LHFPL6: variants seen among roughly 807,000 people sequenced by gnomAD.
LHFPL6 encodes the protein LHFPL tetraspan subfamily member 6.
LHFPL6 carries 9 observed loss-of-function variants against 20.6 expected under a neutral mutation model. The ratio of observed to expected loss-of-function variants is 0.44; its 90% CI spans 0.26 to 0.76. The LOEUF (loss-of-function observed/expected upper bound fraction) is 0.76. Among genes scored for constraint, LHFPL6 ranks in the 30% least tolerant of loss-of-function variants. The probability of loss-of-function intolerance (pLI) is 0.20; values close to 1 mark genes in which losing one functional copy is unlikely to be tolerated. For missense variants in LHFPL6, 218 were observed against 253.5 expected (o/e 0.86, Z 0.95); for synonymous variants, 105 against 98.7 (o/e 1.06, Z -0.38).
intron 2 of LHFPL6, among the ~76,000 whole-genome samples, chr13:39,493,882 A>C (rs1490476946): frequency 2.0e-5 from 3 of 152,212 alleles, no homozygotes; most frequent in Non-Finnish European, 4.4e-5. Context: ...CTCTATTTTT[A>C]TATAGAAAAG....
At chr13:39,484,352 T>C (rs922792074) in intron 2 of LHFPL6, among the ~76,000 whole-genome samples, 1 of 152,184 alleles carries the variant, frequency 6.6e-6, no homozygotes, top group African/African-American at 2.4e-5. Context: ...GCCTCAACTT[T>C]GGAGTCATGC....
At chr13:39,413,208 C>G (rs116049188) in intron 2 of LHFPL6, among the ~76,000 whole-genome samples, 378 of 152,080 alleles carry the variant, frequency 2.5e-3, no homozygotes, top group African/African-American at 8.5e-3. Flanking sequence ...GAATATTTAA[C>G]GAAGGAAAAA....
intron 2 of LHFPL6, among the ~76,000 whole-genome samples, chr13:39,464,263 G>T (rs1872749435): frequency 6.6e-6 from 1 of 152,084 alleles, no homozygotes; most frequent in African/African-American, 2.4e-5. Context: ...GTGATATTTG[G>T]GGGCCAATTA....
intron 2 of LHFPL6, among the ~76,000 whole-genome samples, chr13:39,515,536 T>C (rs571618924): frequency 6.6e-6 from 1 of 152,364 alleles, no homozygotes; most frequent in African/African-American, 2.4e-5. Flanking sequence ...CCTGGGGATT[T>C]CTCTTCGGCT....
rs570019720 is a variant in LHFPL6, at chr13:39,399,774, C to G, written c.386-21248G>C. ...GAAGGGGATCCAAGATCAGAAAACT[C>G]TGACTGCCAGGGTTAAATAAGAAAA... On this transcript the variant is annotated intron_variant, in intron 2 of 3. Transcript: ENST00000379589. Among the ~76,000 whole-genome samples the G allele has an allele frequency of 2.6e-4, 39 of 152,324 alleles. No homozygotes were observed. The South Asian group carries it at 6.4e-3, about 25-fold the overall frequency.
chr13:39,408,209 T>C (rs1172480953), intron 2 of LHFPL6, among the ~76,000 whole-genome samples: 1 of 152,208 alleles, frequency 6.6e-6, no homozygotes, highest in Non-Finnish European at 1.5e-5. Flanking sequence ...TTAATGTAAA[T>C]TTATTAATAA....
intron 2 of LHFPL6, among the ~76,000 whole-genome samples, chr13:39,556,281 G>C (rs1028608485): frequency 6.6e-6 from 1 of 152,232 alleles, no homozygotes; most frequent in Non-Finnish European, 1.5e-5. Context: ...GTAATGGCCA[G>C]AGGTTGGAGG....
chr13:39,396,722 A>G (rs905761492), intron 2 of LHFPL6, among the ~76,000 whole-genome samples: 28 of 152,228 alleles, frequency 1.8e-4, no homozygotes, highest in African/African-American at 6.5e-4. Context: ...CTTGAGCCAG[A>G]TAAGTCAAGG....
At chr13:39,407,274 G>C (rs562238632) in intron 2 of LHFPL6, among the ~76,000 whole-genome samples, 1 of 152,082 alleles carries the variant, frequency 6.6e-6, no homozygotes, top group South Asian at 2.1e-4. Flanking sequence ...TCCTTTTATA[G>C]ATACTCTGCC....
At chr13:39,399,241 A>G (rs1003312334) in intron 2 of LHFPL6, among the ~76,000 whole-genome samples, 1 of 152,226 alleles carries the variant, frequency 6.6e-6, no homozygotes, top group African/African-American at 2.4e-5. Context: ...CCATATTTCT[A>G]TAGTACTTAC....
At chr13:39,578,269 G>A (rs769693289) in intron 2 of LHFPL6, among the ~76,000 whole-genome samples, 2 of 152,144 alleles carry the variant, frequency 1.3e-5, no homozygotes, top group Non-Finnish European at 2.9e-5. Flanking sequence ...ACCCCTGACA[G>A]AAATGATTAA....
At chr13:39,516,267 C>T (rs1451982178) in intron 2 of LHFPL6, among the ~76,000 whole-genome samples, 1 of 152,214 alleles carries the variant, frequency 6.6e-6, no homozygotes, top group Non-Finnish European at 1.5e-5. Context: ...AGGCTTCATG[C>T]CCCTAAAATG....
At chr13:39,488,880 C>CA (rs80268772) in intron 2 of LHFPL6, among the ~76,000 whole-genome samples, 33,072 of 152,040 alleles carry the variant, frequency 0.22, 5,592 homozygotes, top group East Asian at 0.72. Context: ...TTGGATTCAA[C>CA]CATGGGACTT....
chr13:39,361,397 A>G (rs1869865212), intron 3 of LHFPL6, among the ~76,000 whole-genome samples: 1 of 151,788 alleles, frequency 6.6e-6, no homozygotes, highest in Admixed American at 6.6e-5. Context: ...GGCTCACTGC[A>G]ACCTCCGCCT....
At chr13:39,572,191 T>C (rs958276193) in intron 2 of LHFPL6, among the ~76,000 whole-genome samples, 1 of 151,972 alleles carries the variant, frequency 6.6e-6, no homozygotes, top group Non-Finnish European at 1.5e-5. Context: ...CACCTAATAT[T>C]GCATACAATC....
rs1311511770 is a variant in LHFPL6, at chr13:39,591,683, C to T, written c.385+9149G>A. On this transcript the variant is annotated intron_variant, in intron 2 of 3. Coordinates refer to ENST00000379589, the MANE Select transcript of LHFPL6 (RefSeq NM_005780.3). ...GTCTAGAACACGTGGGGAGTTTGTT[C>T]AAAGTGCTCCCTGGGCCCCACCCAG... Among the ~76,000 whole-genome samples the T allele has an allele frequency of 2.6e-5, 4 of 152,318 alleles. No individual in the cohort carries two copies. In the East Asian group the frequency reaches 7.7e-4, roughly 29 times the overall value.
At chr13:39,479,162 T>C (rs1447339808) in intron 2 of LHFPL6, among the ~76,000 whole-genome samples, 2 of 152,044 alleles carry the variant, frequency 1.3e-5, no homozygotes, top group Admixed American at 6.6e-5. Flanking sequence ...TCTATCTGTA[T>C]ATATACAATT....
chr13:39,510,264 T>A (rs1357513379), intron 2 of LHFPL6, among the ~76,000 whole-genome samples: 1 of 152,232 alleles, frequency 6.6e-6, no homozygotes, highest in African/African-American at 2.4e-5. Context: ...AATTATATAT[T>A]CTGAGCAGCA....
In LHFPL6 at chr13:39,454,352, G is replaced by A. The variant is rs1380212001; in HGVS notation, c.386-75826C>T. Reference sequence around the variant, plus strand: ...TTCCTTAAGAGTTGTAATTGGGGCCGGGCGCGGTGGCTCACGCCTGTAATC... The same window carrying A: ...TTCCTTAAGAGTTGTAATTGGGGCCAGGCGCGGTGGCTCACGCCTGTAATC... On this transcript the variant is annotated intron_variant, in intron 2 of 3. Coordinates refer to ENST00000379589, the MANE Select transcript of LHFPL6 (RefSeq NM_005780.3). Among the ~76,000 whole-genome samples, 5 of 32,824 alleles carry A rather than the reference G, an allele frequency of 1.5e-4. 1 individual carries two copies. The highest frequency in any genetic ancestry group is 5.8e-4 in the Admixed American group (2 of 3,462). 21.5% of individuals were successfully genotyped at this position (32,824 alleles called of 152,430 possible). A position where few individuals can be genotyped will look rare whatever the true frequency, so the allele number is the denominator to read the frequency against.
Sources: gnomAD v4.1 joint callset for allele counts (sites outside exome capture counted in the v4.1 genomes callset) on GRCh38, gnomAD v4.1.1 for gene constraint, MANE v1.5 for transcripts, NCBI Gene and HGNC (gene_info 2026-07-23, HGNC 2026-07-21) for gene names.